The following RNF115 variants were observed in gnomAD, a reference collection of about 807,000 sequenced individuals.
The protein encoded by RNF115 is E3 ubiquitin-protein ligase RNF115.
A neutral mutation model predicts 39.2 loss-of-function variants in RNF115; 31 were observed. The observed-to-expected ratio is 0.79, with a 90% CI of 0.59 to 1.07. RNF115 has a LOEUF of 1.07. Ranked by LOEUF, RNF115 falls within the 50% of genes least tolerant of loss-of-function variation. The pLI is 0.00. For synonymous variants in RNF115, 124 were observed against 131.0 expected (o/e 0.95, Z 0.37); for missense variants, 384 against 381.7 (o/e 1.01, Z -0.05).
At chr1:145,762,567 A>G (rs1658573503) in intron 4 of RNF115, among the ~76,000 whole-genome samples, 1 of 152,196 alleles carries the variant, frequency 6.6e-6, no homozygotes, top group African/African-American at 2.4e-5. Flanking sequence ...AGATGTAATT[A>G]TCATATATAT....
In RNF115 at chr1:145,746,820, T is replaced by C. The variant is rs767615122; in HGVS notation, c.*46A>G. 17 of 1,591,870 alleles carry C rather than the reference T, an allele frequency of 1.1e-5. No individual in the cohort carries two copies. Among genetic ancestry groups the C allele is most frequent in the Non-Finnish European group, 1.3e-5 (15 of 1,165,842 alleles). On this transcript the variant is annotated 3_prime_UTR_variant, in exon 9 of 9. Coordinates refer to ENST00000582693, the MANE Select transcript of RNF115 (RefSeq NM_014455.4). ...TTTGTTTTGATACAATTTACAGCTA[T>C]GGTAAGATGATTACCACAGCCCTGA...
intron 1 of RNF115, among the ~76,000 whole-genome samples, chr1:145,799,146 C>A (rs1649113872): frequency 1.3e-5 from 2 of 151,654 alleles, no homozygotes. Flanking sequence ...CGGCTCACTG[C>A]AACCTCTGCC....
intron 1 of RNF115, among the ~76,000 whole-genome samples, chr1:145,798,342 T>G (rs1553720392): frequency 6.6e-6 from 1 of 152,194 alleles, no homozygotes; most frequent in East Asian, 1.9e-4. Context: ...GAGTTTATTT[T>G]TATATATAGT....
chr1:145,748,647 G>A (rs1657964845), intron 7 of RNF115, among the ~76,000 whole-genome samples: 1 of 152,010 alleles, frequency 6.6e-6, no homozygotes, highest in Non-Finnish European at 1.5e-5. Flanking sequence ...CTGTTAATGA[G>A]GGTGAAGGCG....
chr1:145,796,260 C>CTT (rs1266413469), intron 1 of RNF115, among the ~76,000 whole-genome samples: 1 of 152,186 alleles, frequency 6.6e-6, no homozygotes, highest in East Asian at 1.9e-4. Context: ...CTCAAAAACT[C>CTT]TATCAATTGC....
chr1:145,752,995 A>G lies in RNF115; in HGVS notation c.483T>C (p.Ser161=), dbSNP rs373646066. The G allele has an allele frequency of 1.9e-6, 3 of 1,608,422 alleles. No homozygotes were observed. Among genetic ancestry groups the G allele is most frequent in the Non-Finnish European group, 2.6e-6 (3 of 1,175,050 alleles). The change falls in exon 5 of 9, where the codon TCT becomes TCC. Residue 161 remains serine (S), a synonymous_variant. Coordinates refer to ENST00000582693, the MANE Select transcript of RNF115 (RefSeq NM_014455.4). Reference sequence around the variant, plus strand: ...TTACTTACCAGGAAAAAGGGTGTGGAGATCCAGGAATGGCAGAATTTGCAA... The same window carrying G: ...TTACTTACCAGGAAAAAGGGTGTGGGGATCCAGGAATGGCAGAATTTGCAA... ...GFFANSAIPG[S]PHPFSWSGML...
chr1:145,760,282 C>T (rs1432280262), intron 4 of RNF115, among the ~76,000 whole-genome samples: 4 of 152,116 alleles, frequency 2.6e-5, no homozygotes, highest in African/African-American at 4.8e-5. Flanking sequence ...TTAGCTGGGC[C>T]TAGTGCTGCA....
intron 2 of RNF115, chr1:145,787,177 A>G (rs1648420772): frequency 4.4e-6 from 2 of 453,812 alleles, no homozygotes; most frequent in African/African-American, 4.1e-5. Flanking sequence ...TACTTCTTCA[A>G]TTTTCAGACG....
rs1553711973 is a variant in RNF115, at chr1:145,748,002, AGCCACG to A, written c.770_775del (p.Pro257_Trp258del). 1 of 1,610,728 alleles carries A rather than the reference AGCCACG, an allele frequency of 6.2e-7. No homozygotes were observed. The highest frequency in any genetic ancestry group is 2.2e-5 in the East Asian group (1 of 44,848). On this transcript the variant is annotated inframe_deletion, in exon 8 of 9. Transcript: ENST00000582693. Reference sequence around the variant, plus strand: ...ATGACTTGCTGTACTCACCAGTTCTAGCCACGGCACAATACAACTGCTGTGAAAGAA... The same window carrying A: ...ATGACTTGCTGTACTCACCAGTTCTAGCACAATACAACTGCTGTGAAAGAA...
intron 4 of RNF115, among the ~76,000 whole-genome samples, chr1:145,754,164 T>A (rs1042054123): frequency 1.3e-5 from 2 of 152,220 alleles, no homozygotes; most frequent in Non-Finnish European, 2.9e-5. Context: ...TGTATTATTT[T>A]TCATTATTTA....
Position 145,743,569 on chromosome 1 carries a change from C to T in RNF115, c.*3297G>A, listed in dbSNP as rs1337302588. 1 of 152,034 alleles carries T rather than the reference C, an allele frequency of 6.6e-6. No individual in the cohort carries two copies. The highest frequency in any genetic ancestry group is 2.4e-5 in the African/African-American group (1 of 41,356). 9.4% of individuals were successfully genotyped at this position (152,034 alleles called of 1,614,324 possible). On this transcript the variant is annotated 3_prime_UTR_variant, in exon 9 of 9. Coordinates refer to ENST00000582693, the MANE Select transcript of RNF115 (RefSeq NM_014455.4). ...CCACGACTGGCAGATCACCTGAGGTCTAGAGTTCAAGACCAGCCTGGCCAA... is the reference window on the plus strand; with the variant it reads ...CCACGACTGGCAGATCACCTGAGGTTTAGAGTTCAAGACCAGCCTGGCCAA...
intron 3 of RNF115, among the ~76,000 whole-genome samples, chr1:145,775,794 G>A (rs755279414): frequency 2.6e-5 from 4 of 151,876 alleles, no homozygotes; most frequent in African/African-American, 4.8e-5. Context: ...CCAGAAGTTC[G>A]AGATCAGCCT....
chr1:145,747,433 C>T (rs782470720), intron 8 of RNF115, among the ~76,000 whole-genome samples: 1 of 152,036 alleles, frequency 6.6e-6, no homozygotes, highest in Non-Finnish European at 1.5e-5. Flanking sequence ...AGGTGGATCA[C>T]CTGAGGTCAG....
At chr1:145,783,061 C>T (rs1473337928) in intron 3 of RNF115, among the ~76,000 whole-genome samples, 1 of 152,164 alleles carries the variant, frequency 6.6e-6, no homozygotes. Context: ...TGGGGTTTCA[C>T]CATGTTGGCT....
intron 3 of RNF115, chr1:145,772,539 ATGTTATCCCAC>A (rs1647691519): frequency 6.6e-6 from 1 of 152,340 alleles, no homozygotes; most frequent in African/African-American, 2.4e-5. Context: ...CACTTTAAAT[ATGTTATCCCAC>A]TGCCTTCTAG....
chr1:145,795,010 C>G (rs1237171621), intron 1 of RNF115, among the ~76,000 whole-genome samples: 2 of 123,752 alleles, frequency 1.6e-5, no homozygotes, highest in Non-Finnish European at 3.4e-5. Context: ...GAGCGAGACT[C>G]CATTTCAAAA....
chr1:145,763,424 G>C (rs587614276), intron 4 of RNF115, among the ~76,000 whole-genome samples: 1 of 152,162 alleles, frequency 6.6e-6, no homozygotes, highest in Non-Finnish European at 1.5e-5. Flanking sequence ...GGGGCTGGGC[G>C]CAGTGGCTCA....
rs1472610188 is a variant in RNF115 at position 145,743,118 on chromosome 1, C to T, written c.*3748G>A. 2.0e-5 allele frequency: 3 copies of T among 152,208 alleles called. No homozygotes were observed. Among genetic ancestry groups the T allele is most frequent in the Non-Finnish European group, 4.4e-5 (3 of 68,066 alleles). The allele number at this position is 152,208 out of a possible 1,614,324, so 9.4% of individuals were successfully genotyped here. On this transcript the variant is annotated 3_prime_UTR_variant, in exon 9 of 9. Transcript: ENST00000582693. ...ATCTTATGTGTCAACTTGACTAGGC[C>T]ACATGATGCCCAGATATTTGGTCAT...
chr1:145,767,431 C>T (rs1281746133), intron 4 of RNF115, among the ~76,000 whole-genome samples: 1 of 150,910 alleles, frequency 6.6e-6, no homozygotes, highest in Admixed American at 6.6e-5. Flanking sequence ...CGGGCAGAGA[C>T]GCTCCTCACT....
Sources: allele counts gnomAD v4.1 joint callset (sites outside exome capture counted in the v4.1 genomes callset), GRCh38; gene constraint gnomAD v4.1.1; transcripts MANE v1.5; gene names NCBI Gene and HGNC (gene_info 2026-07-23, HGNC 2026-07-21).